The following PCLO variants were observed in gnomAD, a reference collection of about 807,000 sequenced individuals.
PCLO encodes the protein piccolo presynaptic cytomatrix protein, also known as protein piccolo.
PCLO carries 82 observed loss-of-function variants against 427.5 expected under a neutral mutation model. That is an observed-to-expected ratio of 0.19 (90% CI 0.16 to 0.23). The LOEUF is 0.23. Ranked by LOEUF, PCLO falls within the 10% of genes least tolerant of loss-of-function variation. The pLI is 1.00. For missense variants in PCLO, 6,239 were observed against 6,115.9 expected, an observed-to-expected ratio of 1.02 and a Z score of -0.67; for synonymous variants, 2,357 against 2,155.4, an observed-to-expected ratio of 1.09 and a Z score of -2.59.
chr7:82,943,162 G>A (rs1324703254), intron 6 of PCLO, among the ~76,000 whole-genome samples: 1 of 151,990 alleles, frequency 6.6e-6, no homozygotes, highest in Non-Finnish European at 1.5e-5. Context: ...GCAATCAGTG[G>A]AGCAAAGCAT....
chr7:83,038,180 TA>T (rs1191215088), intron 3 of PCLO, among the ~76,000 whole-genome samples: 38 of 136,254 alleles, frequency 2.8e-4, no homozygotes, highest in African/African-American at 9.3e-4. Context: ...CACACATACA[TA>T]TAACACATAT....
intron 3 of PCLO, among the ~76,000 whole-genome samples, chr7:83,061,580 T>C (rs1429820777): frequency 6.6e-6 from 1 of 152,192 alleles, no homozygotes; most frequent in Non-Finnish European, 1.5e-5. Flanking sequence ...GGGACCACCT[T>C]AAAAATTCTT....
chr7:82,875,118 T>C (rs1334514011), intron 10 of PCLO, among the ~76,000 whole-genome samples: 1 of 152,186 alleles, frequency 6.6e-6, no homozygotes, highest in Non-Finnish European at 1.5e-5. Flanking sequence ...GAATGTTTAC[T>C]AAATGTTACT....
chr7:83,099,682 C>T (rs1363109950), intron 3 of PCLO, among the ~76,000 whole-genome samples: 1 of 151,998 alleles, frequency 6.6e-6, no homozygotes, highest in East Asian at 1.9e-4. Context: ...TGAGCCACTG[C>T]GTCTGGCCAA....
chr7:82,759,248 A>AT (rs538013060), intron 24 of PCLO, among the ~76,000 whole-genome samples: 462 of 148,834 alleles, frequency 3.1e-3, no homozygotes, highest in African/African-American at 7.3e-3. Context: ...AAACTAAAGA[A>AT]TTTTTTTTTT....
intron 2 of PCLO, among the ~76,000 whole-genome samples, chr7:83,150,605 T>C (rs1199691363): frequency 6.7e-6 from 1 of 149,816 alleles, no homozygotes; most frequent in Admixed American, 6.7e-5. Flanking sequence ...TAGCTAATTA[T>C]CTAGTCCTTC....
At chr7:82,992,893 C>T (rs890780283) in intron 3 of PCLO, among the ~76,000 whole-genome samples, 1 of 152,006 alleles carries the variant, frequency 6.6e-6, no homozygotes, top group Non-Finnish European at 1.5e-5. Flanking sequence ...TGAAATAGCA[C>T]AAGAATCATC....
chr7:82,881,803 C>G (rs948609400), intron 9 of PCLO, among the ~76,000 whole-genome samples: 1 of 151,948 alleles, frequency 6.6e-6, no homozygotes, highest in Non-Finnish European at 1.5e-5. Context: ...ACCATGCCCA[C>G]CTAATTTTTT....
At chr7:82,834,086 G>C (rs1185566126) in intron 16 of PCLO, among the ~76,000 whole-genome samples, 1 of 151,992 alleles carries the variant, frequency 6.6e-6, no homozygotes, top group Non-Finnish European at 1.5e-5. Flanking sequence ...ATATAAGAAA[G>C]TAGCTTCTAG....
chr7:82,824,250 G>A lies in PCLO; in HGVS notation c.14582C>T (p.Pro4861Leu). ...ATATTTCCTACCCTTTGATGGGTCA[G>A]GGAAGATACCATGGCTTCTGCTTTT... ...VIKSRSHGIF[P>L]DPSKDMQVPT... Residue 4861 changes from proline to leucine, a missense_variant, in exon 19 of 25, where the codon CCT becomes CTT. Physicochemically the swap from Pro to Leu is moderately conservative, Grantham distance 98. Coordinates refer to ENST00000333891, the MANE Select transcript of PCLO (RefSeq NM_033026.6). 1 of 1,611,934 alleles carries A rather than the reference G, an allele frequency of 6.2e-7. No individual in the cohort carries two copies. Among genetic ancestry groups the A allele is most frequent in the Non-Finnish European group, 8.5e-7 (1 of 1,178,840 alleles).
In PCLO at chr7:83,154,928, T is replaced by A. The variant is rs200887797; in HGVS notation, c.1713A>T (p.Thr571=). The change falls in exon 2 of 25, where the codon ACA becomes ACT. Residue 571 remains threonine, a synonymous_variant. Transcript: ENST00000333891. ...GAGGCTGTTTTGCAGATGGAGACAC[T>A]GTTGGTGGCTGCAGAGGTTTTCCAG... The part of the protein sequence containing the change: ...TGSGKPLQPP[T]VSPSAKQPPS... 4 of 1,613,988 alleles carry A rather than the reference T, an allele frequency of 2.5e-6. No homozygotes were observed. Among genetic ancestry groups the A allele is most frequent in the African/African-American group, 1.3e-5 (1 of 75,026 alleles).
intron 3 of PCLO, among the ~76,000 whole-genome samples, chr7:83,057,321 T>C (rs1458480869): frequency 9.8e-5 from 1 of 10,164 alleles, no homozygotes; most frequent in Non-Finnish European, 1.6e-4. Context: ...TATATACATA[T>C]ATATATATAT....
chr7:83,117,794 T>C (rs142448627), intron 3 of PCLO, among the ~76,000 whole-genome samples: 2 of 152,310 alleles, frequency 1.3e-5, no homozygotes, highest in South Asian at 2.1e-4. Flanking sequence ...ATGTCTACAG[T>C]TGGATTCTCT....
chr7:82,957,333 G>T (rs1464998322), intron 4 of PCLO, among the ~76,000 whole-genome samples: 1 of 151,986 alleles, frequency 6.6e-6, no homozygotes, highest in Non-Finnish European at 1.5e-5. Flanking sequence ...GGATTATGAG[G>T]TCAGGTAAAG....
Position 82,954,024 on chromosome 7 carries a change from T to C in PCLO, c.6929A>G (p.Asn2310Ser). The change falls in exon 5 of 25, where the codon AAT becomes AGT. Residue 2310 changes from asparagine to serine, a missense_variant. Transcript: ENST00000333891. ...TTCCAAAACTTCCAGAATGATTCCA[T>C]TCCCAGTTTCCTTCTTGGCTTTCTT... is the stretch of plus-strand genomic sequence containing the variant. ...PVKKAKKETG[N>S]GIILEVLEAY... The C allele has an allele frequency of 6.2e-7, 1 of 1,613,870 alleles. No homozygotes were observed. Among genetic ancestry groups the C allele is most frequent in the Non-Finnish European group, 8.5e-7 (1 of 1,179,842 alleles).
intron 1 of PCLO, among the ~76,000 whole-genome samples, chr7:83,160,074 A>G (rs749572150): frequency 2.0e-4 from 31 of 152,270 alleles, no homozygotes; most frequent in South Asian, 6.2e-4. Flanking sequence ...AGTGTCACCC[A>G]TTGCTGATAC....
intron 3 of PCLO, among the ~76,000 whole-genome samples, chr7:83,034,362 T>G (rs1006246269): frequency 6.6e-6 from 1 of 152,312 alleles, no homozygotes; most frequent in Admixed American, 6.5e-5. Context: ...CTACTTTTTA[T>G]ATTTTTAGAA....
chr7:83,080,782 G>T (rs1441699393), intron 3 of PCLO, among the ~76,000 whole-genome samples: 3 of 151,936 alleles, frequency 2.0e-5, no homozygotes, highest in African/African-American at 7.3e-5. Context: ...TCTGTGGGGG[G>T]TACTTTCAAG....
In PCLO at chr7:82,954,430, A is replaced by T; in HGVS notation, c.6523T>A (p.Ser2175Thr). The change falls in exon 5 of 25, where the codon TCT becomes ACT. Residue 2175 changes from serine (S) to threonine (T), a missense_variant. Physicochemically the swap from Ser to Thr is moderately conservative, Grantham distance 58. Around this residue, in one of 5 missense-constraint regions of PCLO, gnomAD observed 4,677 missense variants for 4,468.4 expected, o/e 1.05. Coordinates refer to ENST00000333891, the MANE Select transcript of PCLO (RefSeq NM_033026.6). ...GAAGGTGTGTCAGAGGGTGGGACAGATGTAGCACTTTCTGAAGGCTCCGAG... is the reference window on the plus strand; with the variant it reads ...GAAGGTGTGTCAGAGGGTGGGACAGTTGTAGCACTTTCTGAAGGCTCCGAG... ...TYSEPSESAT[S>T]VPPSDTPSLT... 6.2e-7 allele frequency: 1 copy of T among 1,613,950 alleles called. No homozygotes were observed. Among genetic ancestry groups the T allele is most frequent in the Non-Finnish European group, 8.5e-7 (1 of 1,179,836 alleles).
Sources: gnomAD v4.1 joint callset for allele counts (sites outside exome capture counted in the v4.1 genomes callset) on GRCh38, gnomAD v4.1.1 for gene constraint, gnomAD v4.1.1 regional missense constraint, MANE v1.5 for transcripts, NCBI Gene and HGNC (gene_info 2026-07-23, HGNC 2026-07-21) for gene names.